The following PTCHD4 variants were observed in gnomAD, a reference collection of about 807,000 sequenced individuals.
The protein encoded by PTCHD4 is patched domain-containing protein 4.
In PTCHD4, 33 loss-of-function variants were observed where a neutral mutation model predicts 58.1. The observed-to-expected ratio is 0.57, with a 90% CI of 0.43 to 0.76. The LOEUF (loss-of-function observed/expected upper bound fraction) is 0.76. PTCHD4 is among the 30% of genes least tolerant of loss of function. The pLI is 0.00. For missense variants in PTCHD4, 1,058 were observed against 1,027.1 expected (o/e 1.03, Z -0.41); for synonymous variants, 478 against 409.6 (o/e 1.17, Z -2.02).
At chr6:48,075,053 A>G (rs978099716) in intron 1 of PTCHD4, among the ~76,000 whole-genome samples, 2 of 152,240 alleles carry the variant, frequency 1.3e-5, no homozygotes, top group East Asian at 1.9e-4. Flanking sequence ...TCTATTCACT[A>G]TATCTTTGAG....
chr6:47,971,110 C>T (rs905464366), intron 4 of PTCHD4, among the ~76,000 whole-genome samples: 1 of 152,000 alleles, frequency 6.6e-6, no homozygotes, highest in South Asian at 2.1e-4. Context: ...ACAAGATTTT[C>T]GAGGAGAGCC....
At chr6:47,883,606 T>C (rs1394046376) in intron 4 of PTCHD4, among the ~76,000 whole-genome samples, 2 of 152,162 alleles carry the variant, frequency 1.3e-5, no homozygotes, top group Non-Finnish European at 2.9e-5. Context: ...ATCAATGGAA[T>C]TAATTGTATG....
At chr6:47,917,859 TAACC>T (rs1765308117) in intron 4 of PTCHD4, among the ~76,000 whole-genome samples, 1 of 152,150 alleles carries the variant, frequency 6.6e-6, no homozygotes, top group South Asian at 2.1e-4. Context: ...AATATAGTTG[TAACC>T]ATGAAAAGTG....
chr6:47,931,749 T>C (rs994914919), intron 4 of PTCHD4, among the ~76,000 whole-genome samples: 5 of 144,914 alleles, frequency 3.5e-5, no homozygotes, highest in African/African-American at 1.2e-4. Flanking sequence ...CTGACAAGTG[T>C]ATTATTAGCA....
At chr6:48,064,339 A>G (rs977270452) in intron 3 of PTCHD4, among the ~76,000 whole-genome samples, 3 of 152,138 alleles carry the variant, frequency 2.0e-5, no homozygotes, top group African/African-American at 7.2e-5. Flanking sequence ...GGCCTACCTA[A>G]AAACAGGGAA....
At position 47,921,957 on chromosome 6, in the gene PTCHD4, AAAAG is replaced by A. The variant is rs1490254056; in HGVS notation, c.899-42025_899-42022del. 3.6e-3 allele frequency among the ~76,000 whole-genome samples: 423 copies of A among 117,148 alleles called. 2 individuals are homozygous for A. Among genetic ancestry groups the A allele is most frequent in the African/African-American group, 0.012 (365 of 31,122 alleles). 76.9% of individuals were successfully genotyped at this position (117,148 alleles called of 152,430 possible). ...AAGACACCTTGTCTAAAAAAAAAAA[AAAAG>A]AAAAGAAAAGAAAAGAAAAGAAAAG... is the stretch of plus-strand genomic sequence containing the variant. On this transcript the variant is annotated intron_variant, in intron 4 of 4. Coordinates refer to ENST00000339488, the MANE Select transcript of PTCHD4 (RefSeq NM_001384253.1).
chr6:47,862,319 C>G lies in PTCHD4; in HGVS notation c.*15984G>C, dbSNP rs774082236. Reference sequence around the variant, plus strand: ...TTGGGACCAAAGATCTACTTACAACCATTTTCAACACATACTAAATTTTTT... The same window carrying G: ...TTGGGACCAAAGATCTACTTACAACGATTTTCAACACATACTAAATTTTTT... On this transcript the variant is annotated 3_prime_UTR_variant, in exon 5 of 5. Coordinates refer to ENST00000339488, the MANE Select transcript of PTCHD4 (RefSeq NM_001384253.1). Among the ~76,000 whole-genome samples the G allele has an allele frequency of 6.6e-6, 1 of 151,660 alleles. No individual in the cohort carries two copies. Among genetic ancestry groups the G allele is most frequent in the Non-Finnish European group, 1.5e-5 (1 of 67,772 alleles).
intron 4 of PTCHD4, among the ~76,000 whole-genome samples, chr6:47,977,356 G>A (rs1348107093): frequency 6.6e-6 from 1 of 152,156 alleles, no homozygotes; most frequent in African/African-American, 2.4e-5. Flanking sequence ...CTTCCATCTT[G>A]CTTGTAAATT....
chr6:48,052,802 A>G (rs564636971), intron 3 of PTCHD4, among the ~76,000 whole-genome samples: 1 of 152,240 alleles, frequency 6.6e-6, no homozygotes, highest in East Asian at 1.9e-4. Flanking sequence ...ATCAGTGGCC[A>G]GTGGTGTATA....
chr6:48,025,103 T>A (rs546150450), intron 3 of PTCHD4, among the ~76,000 whole-genome samples: 2 of 152,186 alleles, frequency 1.3e-5, no homozygotes, highest in Non-Finnish European at 2.9e-5. Flanking sequence ...GCTATAGATA[T>A]TAAACATTCT....
intron 3 of PTCHD4, among the ~76,000 whole-genome samples, chr6:48,035,018 T>C (rs1193494684): frequency 6.6e-6 from 1 of 152,132 alleles, no homozygotes; most frequent in Non-Finnish European, 1.5e-5. Context: ...AACCATTTCA[T>C]CCTGATGCTC....
intron 1 of PTCHD4, among the ~76,000 whole-genome samples, chr6:48,105,033 G>A (rs547546202): frequency 8.5e-4 from 129 of 152,240 alleles, no homozygotes; most frequent in African/African-American, 3.0e-3. Flanking sequence ...GTCAATATTA[G>A]ACAGATCAAT....
intron 1 of PTCHD4, among the ~76,000 whole-genome samples, chr6:48,092,002 CACAT>C (rs1321035239): frequency 2.0e-5 from 3 of 151,712 alleles, no homozygotes; most frequent in African/African-American, 7.3e-5. Flanking sequence ...TACACACACA[CACAT>C]ACACACACAC....
intron 3 of PTCHD4, among the ~76,000 whole-genome samples, chr6:48,009,900 A>T (rs1341132870): frequency 6.6e-6 from 1 of 152,342 alleles, no homozygotes; most frequent in East Asian, 1.9e-4. Context: ...GAGGTAGAGT[A>T]GGCAAGATCA....
chr6:48,105,548 G>A (rs1181012770), intron 1 of PTCHD4, among the ~76,000 whole-genome samples: 1 of 152,234 alleles, frequency 6.6e-6, no homozygotes, highest in South Asian at 2.1e-4. Flanking sequence ...AACTAGCGAA[G>A]CAAGAGCAAA....
intron 4 of PTCHD4, among the ~76,000 whole-genome samples, chr6:47,986,468 A>G (rs939182421): frequency 3.3e-5 from 5 of 152,212 alleles, no homozygotes; most frequent in South Asian, 4.1e-4. Flanking sequence ...TTTAAGTAGC[A>G]TATATATTCT....
chr6:47,962,096 G>C (rs1352312020), intron 4 of PTCHD4, among the ~76,000 whole-genome samples: 1 of 152,026 alleles, frequency 6.6e-6, no homozygotes, highest in Non-Finnish European at 1.5e-5. Flanking sequence ...CAGATCTACA[G>C]ATATTTTAAT....
chr6:47,949,608 G>T (rs1397599026), intron 4 of PTCHD4, among the ~76,000 whole-genome samples: 1 of 152,030 alleles, frequency 6.6e-6, no homozygotes, highest in Non-Finnish European at 1.5e-5. Context: ...CTTGACTCAA[G>T]GTCACAGATA....
chr6:47,880,923 C>A (rs1177083323), intron 4 of PTCHD4, among the ~76,000 whole-genome samples: 1 of 152,136 alleles, frequency 6.6e-6, no homozygotes, highest in Non-Finnish European at 1.5e-5. Flanking sequence ...CCTTTTTTCA[C>A]TTCCCTGAAT....
Sources: gnomAD v4.1 joint callset for allele counts (sites outside exome capture counted in the v4.1 genomes callset) on GRCh38, gnomAD v4.1.1 for gene constraint, MANE v1.5 for transcripts, NCBI Gene and HGNC (gene_info 2026-07-23, HGNC 2026-07-21) for gene names.